Variants in UST observed in about 807,000 individuals in gnomAD.
UST encodes the protein chondroitin sulfate 2-O-sulfotransferase.
Under a neutral mutation model 45.6 loss-of-function variants are expected in UST, and 21 were observed. That is an observed-to-expected ratio of 0.46 (90% CI 0.33 to 0.66). The LOEUF is 0.66. Among genes scored for constraint, UST ranks in the 30% least tolerant of loss-of-function variants. The pLI, the probability that UST is intolerant of heterozygous loss-of-function variation, is 0.02. For missense variants in UST, 463 were observed against 512.4 expected (o/e 0.90, Z 0.93); for synonymous variants, 215 against 200.6 (o/e 1.07, Z -0.61).
chr6:149,017,444 GA>G (rs1775920339), intron 5 of UST, among the ~76,000 whole-genome samples: 1 of 151,896 alleles, frequency 6.6e-6, no homozygotes, highest in African/African-American at 2.4e-5. Context: ...AAGGAATAAG[GA>G]AAAATTCAGT....
chr6:149,011,024 G>GTAAT (rs1562328846), intron 5 of UST, among the ~76,000 whole-genome samples: 1 of 151,632 alleles, frequency 6.6e-6, no homozygotes, highest in East Asian at 1.9e-4. Flanking sequence ...TCTTGTGTCC[G>GTAAT]TAAGTGTTTC....
At chr6:148,855,081 G>C (rs1316264524) in intron 1 of UST, among the ~76,000 whole-genome samples, 1 of 152,106 alleles carries the variant, frequency 6.6e-6, no homozygotes, top group Non-Finnish European at 1.5e-5. Flanking sequence ...AAAACCATCA[G>C]ATCTCGCGAG....
intron 2 of UST, among the ~76,000 whole-genome samples, chr6:148,901,412 T>A (rs1779253991): frequency 6.6e-6 from 1 of 152,116 alleles, no homozygotes; most frequent in Admixed American, 6.5e-5. Flanking sequence ...CTTATATAGC[T>A]CAGGGATCCA....
intron 1 of UST, among the ~76,000 whole-genome samples, chr6:148,802,339 C>T (rs903929618): frequency 6.6e-6 from 1 of 152,192 alleles, no homozygotes; most frequent in Non-Finnish European, 1.5e-5. Flanking sequence ...AATAAATCAG[C>T]AAATCAAGAA....
chr6:148,808,433 G>T (rs1473958768), intron 1 of UST, among the ~76,000 whole-genome samples: 1 of 151,962 alleles, frequency 6.6e-6, no homozygotes, highest in Non-Finnish European at 1.5e-5. Flanking sequence ...TGTGAGGGGG[G>T]TGGGCTTTCT....
chr6:149,025,144 T>A (rs1776032613), intron 7 of UST, among the ~76,000 whole-genome samples: 2 of 152,228 alleles, frequency 1.3e-5, no homozygotes, highest in Admixed American at 1.3e-4. Context: ...TCATTGATTC[T>A]TTCAAATCAA....
intron 7 of UST, among the ~76,000 whole-genome samples, chr6:149,032,959 G>A (rs1388934426): frequency 1.3e-5 from 2 of 152,164 alleles, no homozygotes; most frequent in African/African-American, 2.4e-5. Flanking sequence ...ACAGTAATAT[G>A]CTCTGCATTG....
At chr6:148,923,770 C>T (rs987579254) in intron 2 of UST, among the ~76,000 whole-genome samples, 1 of 152,074 alleles carries the variant, frequency 6.6e-6, no homozygotes, top group Non-Finnish European at 1.5e-5. Context: ...AGCCCCTCCC[C>T]ACTCCTGGGG....
At chr6:149,018,835 G>A (rs78680886) in intron 5 of UST, among the ~76,000 whole-genome samples, 1,582 of 152,190 alleles carry the variant, frequency 0.01, 39 homozygotes, top group African/African-American at 0.037. Context: ...AAGCACAGTG[G>A]GTACCACTGT....
chr6:148,791,876 G>A (rs570977021), intron 1 of UST, among the ~76,000 whole-genome samples: 1 of 152,300 alleles, frequency 6.6e-6, no homozygotes, highest in African/African-American at 2.4e-5. Flanking sequence ...TGTTGAGCGA[G>A]TAAGTCAGGA....
At chr6:148,946,810 T>A (rs1405972175) in intron 3 of UST, among the ~76,000 whole-genome samples, 1 of 55,972 alleles carries the variant, frequency 1.8e-5, no homozygotes, top group South Asian at 9.5e-4. Flanking sequence ...CGAGACTCCA[T>A]CCCAAAAAAA....
At chr6:148,861,230 G>A (rs111992430) in intron 1 of UST, among the ~76,000 whole-genome samples, 1 of 152,106 alleles carries the variant, frequency 6.6e-6, no homozygotes, top group South Asian at 2.1e-4. Context: ...CTTGGGGAGG[G>A]TGTATGTGTC....
intron 2 of UST, among the ~76,000 whole-genome samples, chr6:148,905,811 T>TTA (rs997413087): frequency 6.6e-6 from 1 of 152,226 alleles, no homozygotes; most frequent in Admixed American, 6.5e-5. Context: ...TGGGCTCCTG[T>TTA]TAGAGATCTT....
chr6:149,058,810 ATTG>A (rs1201184265), intron 7 of UST, among the ~76,000 whole-genome samples: 2 of 152,204 alleles, frequency 1.3e-5, no homozygotes, highest in African/African-American at 2.4e-5. Context: ...ATCTGCTTCA[ATTG>A]TTGTTGTGAA....
intron 1 of UST, among the ~76,000 whole-genome samples, chr6:148,852,449 G>T (rs556620684): frequency 5.9e-5 from 9 of 152,150 alleles, no homozygotes; most frequent in Non-Finnish European, 1.3e-4. Context: ...GTTCCATTGA[G>T]GCTCCTGTTC....
intron 7 of UST, among the ~76,000 whole-genome samples, chr6:149,060,049 G>A (rs1776630307): frequency 1.3e-5 from 2 of 152,188 alleles, no homozygotes; most frequent in Admixed American, 1.3e-4. Flanking sequence ...CAAGCAAAGT[G>A]TGTGCATTAG....
chr6:148,762,974 G>A (rs1776248916), intron 1 of UST, among the ~76,000 whole-genome samples: 1 of 152,178 alleles, frequency 6.6e-6, no homozygotes, highest in Non-Finnish European at 1.5e-5. Flanking sequence ...TACAAGGGCA[G>A]GTGTTTATTT....
intron 1 of UST, among the ~76,000 whole-genome samples, chr6:148,868,910 C>T (rs1778497867): frequency 6.6e-6 from 1 of 152,162 alleles, no homozygotes. Flanking sequence ...AAGAGTTACA[C>T]TTTATGTTTG....
intron 1 of UST, among the ~76,000 whole-genome samples, chr6:148,762,081 A>G (rs969609125): frequency 1.6e-4 from 24 of 152,198 alleles, no homozygotes; most frequent in Non-Finnish European, 2.8e-4. Context: ...GTTTGCTTGT[A>G]GAGCAGAGAT....
Sources: gnomAD v4.1 joint callset for allele counts (sites outside exome capture counted in the v4.1 genomes callset) on GRCh38, gnomAD v4.1.1 for gene constraint, MANE v1.5 for transcripts, NCBI Gene and HGNC (gene_info 2026-07-23, HGNC 2026-07-21) for gene names.